TNFSF4: variants seen among roughly 807,000 people sequenced by gnomAD.
TNFSF4 encodes tumor necrosis factor ligand superfamily member 4.
Under a neutral mutation model 7.3 loss-of-function variants are expected in TNFSF4, and 4 were observed. The ratio of observed to expected loss-of-function variants is 0.55; its 90% confidence interval spans 0.27 to 1.25. TNFSF4 has a LOEUF of 1.25. Ranked by LOEUF, TNFSF4 falls within the 50% of genes most tolerant of loss-of-function variation. The pLI is 0.12. For synonymous variants in TNFSF4, 76 were observed against 83.7 expected (o/e 0.91, Z 0.50); for missense variants, 181 against 208.8 (o/e 0.87, Z 0.82).
chr1:173,354,231 GA>G, the TNFSF4 span, among the ~76,000 whole-genome samples: 10 of 151,970 alleles, frequency 6.6e-5, no homozygotes, highest in Non-Finnish European at 1.3e-4. Context: ...ACATAAACTA[GA>G]AAATCTGGAA....
At chr1:173,407,541 C>A in the TNFSF4 span, among the ~76,000 whole-genome samples, 1 of 110,838 alleles carries the variant, frequency 9.0e-6, no homozygotes, top group Non-Finnish European at 1.6e-5. Flanking sequence ...GCCTGGGTGA[C>A]AGAGCAAGAC....
the TNFSF4 span, among the ~76,000 whole-genome samples, chr1:173,422,480 G>A: frequency 6.6e-6 from 1 of 152,096 alleles, no homozygotes; most frequent in Non-Finnish European, 1.5e-5. Flanking sequence ...TGATAACTGT[G>A]CACTGGAGAG....
At chr1:173,214,819 ACT>A in the TNFSF4 span, among the ~76,000 whole-genome samples, 1 of 152,072 alleles carries the variant, frequency 6.6e-6, no homozygotes, top group Non-Finnish European at 1.5e-5. Flanking sequence ...TCCTGCGAAC[ACT>A]CTGCCTGGTT....
the TNFSF4 span, among the ~76,000 whole-genome samples, chr1:173,345,713 G>T: frequency 6.6e-6 from 1 of 152,182 alleles, no homozygotes; most frequent in South Asian, 2.1e-4. Context: ...CAAGAGTGAG[G>T]CCTAATCAAA....
At chr1:173,292,683 C>G in the TNFSF4 span, among the ~76,000 whole-genome samples, 1 of 151,570 alleles carries the variant, frequency 6.6e-6, no homozygotes, top group African/African-American at 2.4e-5. Context: ...GGCATCCAAA[C>G]AGGAAGAGAA....
the TNFSF4 span, among the ~76,000 whole-genome samples, chr1:173,432,016 A>C: frequency 2.2e-4 from 33 of 152,336 alleles, no homozygotes; most frequent in African/African-American, 7.7e-4. Context: ...GAACTGGGTG[A>C]AGGAGGCCTT....
the TNFSF4 span, among the ~76,000 whole-genome samples, chr1:173,377,998 C>T: frequency 1.3e-5 from 2 of 152,164 alleles, no homozygotes; most frequent in Admixed American, 6.5e-5. Flanking sequence ...AACAGATTTT[C>T]GAGAATGTGT....
chr1:173,207,269 A>T lies in TNFSF4; in HGVS notation c.-93T>A. ...TCCCCAGAAAGAAGGAGGTAAAGAC[A>T]AAACAAAGCCTATCAATCAGAAAAT... On this transcript the variant is annotated 5_prime_UTR_variant, in exon 1 of 3. Transcript: ENST00000281834. The T allele has an allele frequency of 7.9e-7, 1 of 1,265,462 alleles. No homozygotes were observed. The highest frequency in any genetic ancestry group is 1.1e-6 in the Non-Finnish European group (1 of 907,858). 78.4% of individuals were successfully genotyped at this position (1,265,462 alleles called of 1,614,324 possible).
At chr1:173,449,182 G>C in the TNFSF4 span, among the ~76,000 whole-genome samples, 1 of 152,072 alleles carries the variant, frequency 6.6e-6, no homozygotes, top group Non-Finnish European at 1.5e-5. Flanking sequence ...TCACCATGTG[G>C]TGTTCCCACT....
chr1:173,416,215 C>T, the TNFSF4 span, among the ~76,000 whole-genome samples: 6 of 152,196 alleles, frequency 3.9e-5, no homozygotes, highest in Non-Finnish European at 7.4e-5. Context: ...GCAGTGGCAG[C>T]AGCTGGGCTG....
the TNFSF4 span, among the ~76,000 whole-genome samples, chr1:173,290,797 T>C: frequency 6.6e-6 from 1 of 152,096 alleles, no homozygotes; most frequent in African/African-American, 2.4e-5. Context: ...AATCTGCACA[T>C]GGCACATACT....
intron 1 of TNFSF4, among the ~76,000 whole-genome samples, chr1:173,197,379 T>G (rs866533464): frequency 6.6e-6 from 1 of 152,332 alleles, no homozygotes; most frequent in East Asian, 1.9e-4. Flanking sequence ...CAAAGGTACA[T>G]GCACACATAT....
the TNFSF4 span, among the ~76,000 whole-genome samples, chr1:173,266,403 T>C: frequency 6.6e-6 from 1 of 152,152 alleles, no homozygotes; most frequent in Non-Finnish European, 1.5e-5. Flanking sequence ...AGAGTCCTGG[T>C]TGAGCACCTC....
chr1:173,333,033 T>C, the TNFSF4 span, among the ~76,000 whole-genome samples: 9 of 152,166 alleles, frequency 5.9e-5, no homozygotes, highest in African/African-American at 2.2e-4. Context: ...ATTCTGTTCA[T>C]TCAAAATTAC....
chr1:173,394,332 T>C, the TNFSF4 span, among the ~76,000 whole-genome samples: 1 of 152,104 alleles, frequency 6.6e-6, no homozygotes, highest in African/African-American at 2.4e-5. Flanking sequence ...ATTGAAATGA[T>C]TGTTTCATGT....
At chr1:173,271,675 G>T in the TNFSF4 span, among the ~76,000 whole-genome samples, 3 of 152,044 alleles carry the variant, frequency 2.0e-5, no homozygotes, top group Non-Finnish European at 4.4e-5. Flanking sequence ...TTAGAATGGC[G>T]ATCATTAAAA....
At chr1:173,323,599 A>T in the TNFSF4 span, among the ~76,000 whole-genome samples, 27 of 152,216 alleles carry the variant, frequency 1.8e-4, no homozygotes, top group African/African-American at 4.8e-5. Flanking sequence ...AATGGCAAAG[A>T]AGTTAAAAAC....
At chr1:173,436,224 G>A in the TNFSF4 span, among the ~76,000 whole-genome samples, 1 of 152,186 alleles carries the variant, frequency 6.6e-6, no homozygotes, top group Non-Finnish European at 1.5e-5. Context: ...ATATGGGTAA[G>A]AAGTAACCAG....
the TNFSF4 span, chr1:173,442,091 ACTGGAT>A: frequency 9.9e-5 from 15 of 152,208 alleles, no homozygotes; most frequent in African/African-American, 3.6e-4. Context: ...ATGTTTAATA[ACTGGAT>A]CTGGGTTGGG....
Sources: gnomAD v4.1 joint callset for allele counts (sites outside exome capture counted in the v4.1 genomes callset) on GRCh38, gnomAD v4.1.1 for gene constraint, MANE v1.5 for transcripts, NCBI Gene and HGNC (gene_info 2026-07-23, HGNC 2026-07-21) for gene names.